Variants in GIMAP8 observed in about 807,000 individuals in gnomAD.
GIMAP8 encodes the protein GTPase IMAP family member 8.
Under a neutral mutation model 35.6 loss-of-function variants are expected in GIMAP8, and 29 were observed. The observed-to-expected ratio is 0.81, with a 90% CI of 0.61 to 1.11. The LOEUF (loss-of-function observed/expected upper bound fraction) is 1.11. GIMAP8 is among the 50% of genes most tolerant of loss of function. The pLI is 0.00. For missense variants in GIMAP8, 811 were observed against 805.0 expected (o/e 1.01, Z -0.09); for synonymous variants, 335 against 308.7 (o/e 1.09, Z -0.89).
intron 3 of GIMAP8, 106 bp downstream of exon 3, chr7:150,470,980 C>A: frequency 1.3e-6 from 1 of 780,758 alleles, no homozygotes; most frequent in African/African-American, 1.7e-5. Flanking sequence ...AGAAAATTCA[C>A]CCTGGGGACC....
At position 150,474,078 on chromosome 7, in the gene GIMAP8, T is replaced by C. The variant is rs1802164814; in HGVS notation, c.749T>C (p.Val250Ala). Residue 250 changes from valine (V) to alanine (A), a missense_variant, in exon 4 of 5, where the codon GTC becomes GCC. Physicochemically the swap from Val to Ala is moderately conservative, Grantham distance 64. Transcript: ENST00000307271. ...EQNPGTSELT[V>A]LLVGKRGAGK... ...AATCCGGGGACATCAGAACTGACAGTCCTCCTTGTGGGGAAACGCGGTGCT... is the reference window on the plus strand; with the variant it reads ...AATCCGGGGACATCAGAACTGACAGCCCTCCTTGTGGGGAAACGCGGTGCT... 1 of 1,614,106 alleles carries C rather than the reference T, an allele frequency of 6.2e-7. No homozygotes were observed. The highest frequency in any genetic ancestry group is 8.5e-7 in the Non-Finnish European group (1 of 1,180,012).
In GIMAP8 at chr7:150,478,272, C is replaced by T. The variant is rs1355510319; in HGVS notation, c.*492C>T. On this transcript the variant is annotated 3_prime_UTR_variant, in exon 5 of 5. Coordinates refer to ENST00000307271, the MANE Select transcript of GIMAP8 (RefSeq NM_175571.4). ...TCCCTGTTGTCCAGGGCCGTTGGCT[C>T]CCTGAGCTCTCCTGTCTCCTTTGGG... 6.2e-6 allele frequency: 1 copy of T among 160,678 alleles called. No individual in the cohort carries two copies. The highest frequency in any genetic ancestry group is 1.4e-5 in the Non-Finnish European group (1 of 72,636). 10.0% of individuals were successfully genotyped at this position (160,678 alleles called of 1,614,324 possible).
At chr7:150,473,040 G>GT (rs1394867574) in intron 3 of GIMAP8, among the ~76,000 whole-genome samples, 3 of 152,192 alleles carry the variant, frequency 2.0e-5, no homozygotes, top group African/African-American at 7.2e-5. Flanking sequence ...TCGCAAAGCG[G>GT]TAAGTTTTCC....
At chr7:150,453,342 G>A (rs6961845) in intron 1 of GIMAP8, among the ~76,000 whole-genome samples, 7,242 of 152,250 alleles carry the variant, frequency 0.048, 575 homozygotes, top group African/African-American at 0.16. Flanking sequence ...CTGAAGCTGC[G>A]GTGGGCTCTG....
Position 150,477,727 on chromosome 7 carries a change from G to A in GIMAP8, c.1945G>A (p.Glu649Lys). The A allele has an allele frequency of 6.2e-7, 1 of 1,613,892 alleles. No individual in the cohort carries two copies. Among genetic ancestry groups the A allele is most frequent in the Non-Finnish European group, 8.5e-7 (1 of 1,179,964 alleles). Reference sequence around the variant, plus strand: ...CAGCAAACTAATTAAAAATGTCCAGGAAATGTCCCAAGCCGAAAAACTCCT... The same window carrying A: ...CAGCAAACTAATTAAAAATGTCCAGAAAATGTCCCAAGCCGAAAAACTCCT... Reference protein sequence around the residue: ...NVSKLIKNVQEMSQAEKLLKN... With the variant: ...NVSKLIKNVQKMSQAEKLLKN... The change falls in exon 5 of 5, where the codon GAA becomes AAA. Residue 649 changes from glutamate (E) to lysine (K), a missense_variant. Glu to Lys is a moderately conservative substitution (Grantham distance 56). Transcript: ENST00000307271.
At chr7:150,462,469 A>G (rs58217729) in intron 1 of GIMAP8, among the ~76,000 whole-genome samples, 3,173 of 152,328 alleles carry the variant, frequency 0.021, 126 homozygotes, top group African/African-American at 0.073. Flanking sequence ...GGTGGTAGAT[A>G]CTGTCCTTTC....
In GIMAP8 at chr7:150,477,225, G is replaced by C. The variant is rs1482571379; in HGVS notation, c.1443G>C (p.Arg481Ser). The stretch of plus-strand genomic sequence containing the variant: ...TCACCAAGACCAGCCAGAGTGGCAG[G>C]AGGACATGGGACGGACAGGAGGTGG... ...QPVTKTSQSGRRTWDGQEVVV... is the reference protein window; with the variant it reads ...QPVTKTSQSGSRTWDGQEVVV... The change falls in exon 5 of 5, where the codon AGG becomes AGC. Residue 481 changes from arginine (R) to serine (S), a missense_variant. By Grantham distance (110) the Arg-to-Ser change is moderately radical. Transcript: ENST00000307271. 1 of 1,614,142 alleles carries C rather than the reference G, an allele frequency of 6.2e-7. No individual in the cohort carries two copies. The highest frequency in any genetic ancestry group is 1.3e-5 in the African/African-American group (1 of 75,022).
Position 150,474,200 on chromosome 7 carries a change from A to C in GIMAP8, c.871A>C (p.Arg291=). 6.2e-7 allele frequency: 1 copy of C among 1,614,212 alleles called. No individual in the cohort carries two copies. Among genetic ancestry groups the C allele is most frequent in the Non-Finnish European group, 8.5e-7 (1 of 1,180,028 alleles). The part of the protein sequence containing the change: ...SVTQSFLSES[R]SWRKKKVSII... Reference sequence around the variant, plus strand: ...AACCCAGAGCTTCTTGTCTGAGAGCAGAAGCTGGAGAAAAAAGAAAGTTTC... The same window carrying C: ...AACCCAGAGCTTCTTGTCTGAGAGCCGAAGCTGGAGAAAAAAGAAAGTTTC... Residue 291 remains arginine (R), a synonymous_variant, in exon 4 of 5, where the codon AGA becomes CGA. Transcript: ENST00000307271.
Position 150,467,149 on chromosome 7 carries a change from A to C in GIMAP8, c.451A>C (p.Asn151His), listed in dbSNP as rs1488579295. The C allele has an allele frequency of 5.6e-6, 9 of 1,614,112 alleles. No homozygotes were observed. Among genetic ancestry groups the C allele is most frequent in the Non-Finnish European group, 7.6e-6 (9 of 1,180,056 alleles). ...DDLLQDFIEK[N>H]KPLKQLVQDY... is the part of the protein sequence containing the mutation. ...CTTGCTGCAAGATTTCATTGAAAAA[A>C]ACAAACCTCTCAAGCAGTTGGTTCA... The change falls in exon 2 of 5, where the codon AAC becomes CAC. Residue 151 changes from asparagine to histidine, a missense_variant. Transcript: ENST00000307271.
At chr7:150,452,675 G>GAGATATATATATATATAT (rs1554492376) in intron 1 of GIMAP8, among the ~76,000 whole-genome samples, 1 of 79,672 alleles carries the variant, frequency 1.3e-5, no homozygotes, top group Non-Finnish European at 2.3e-5. Flanking sequence ...GTGTGTGTGA[G>GAGATATATATATATATAT]ATATATATAT....
rs1265743201 is a variant in GIMAP8 at position 150,470,936 on chromosome 7, C to T, written c.682+62C>T. 9 of 1,210,020 alleles carry T rather than the reference C, an allele frequency of 7.4e-6. No homozygotes were observed. The African/African-American group carries it at 1.4e-4, about 18-fold the overall frequency. The allele number at this position is 1,210,020 out of a possible 1,614,324, so 75.0% of individuals were successfully genotyped here. A position where few individuals can be genotyped will look rare whatever the true frequency, so the allele number is the denominator to read the frequency against. Reference sequence around the variant, plus strand: ...GTATTCTTTTGAATGCATTCTGCAGCCAAAGTGAAGCGGAAACATTATCCA... The same window carrying T: ...GTATTCTTTTGAATGCATTCTGCAGTCAAAGTGAAGCGGAAACATTATCCA... On this transcript the variant is annotated intron_variant, in intron 3 of 4. Coordinates refer to ENST00000307271, the MANE Select transcript of GIMAP8 (RefSeq NM_175571.4).
intron 1 of GIMAP8, among the ~76,000 whole-genome samples, chr7:150,454,805 G>T (rs79268055): frequency 0.024 from 3,609 of 152,166 alleles, 151 homozygotes; most frequent in African/African-American, 0.083. Flanking sequence ...ACTTACTTTT[G>T]GGTCAAAAAG....
Position 150,477,719 on chromosome 7 carries a change from A to G in GIMAP8, c.1937A>G (p.Asn646Ser). The change falls in exon 5 of 5, where the codon AAT becomes AGT. Residue 646 changes from asparagine to serine, a missense_variant. Asn to Ser is a conservative substitution (Grantham distance 46). Coordinates refer to ENST00000307271, the MANE Select transcript of GIMAP8 (RefSeq NM_175571.4). Reference sequence around the variant, plus strand: ...GAGAACGTCAGCAAACTAATTAAAAATGTCCAGGAAATGTCCCAAGCCGAA... The same window carrying G: ...GAGAACGTCAGCAAACTAATTAAAAGTGTCCAGGAAATGTCCCAAGCCGAA... Reference protein sequence around the residue: ...TQENVSKLIKNVQEMSQAEKL... With the variant: ...TQENVSKLIKSVQEMSQAEKL... 6.2e-7 allele frequency: 1 copy of G among 1,614,174 alleles called. No homozygotes were observed. The highest frequency in any genetic ancestry group is 8.5e-7 in the Non-Finnish European group (1 of 1,180,024).
chr7:150,467,258 G>T lies in GIMAP8; in HGVS notation c.560G>T (p.Arg187Leu), dbSNP rs200592029. The T allele has an allele frequency of 1.5e-4, 244 of 1,614,040 alleles. No individual in the cohort carries two copies. Among genetic ancestry groups the T allele is most frequent in the Admixed American group, 5.8e-4 (35 of 60,008 alleles). Residue 187 changes from arginine (R) to leucine (L), a missense_variant, in exon 2 of 5, where the codon CGC becomes CTC. Transcript: ENST00000307271. ...ATCACCCAGGTGTTGGAGCTCCTTC[G>T]CAAGGTTGAGTCTTTGGTGAATACG... Reference protein sequence around the residue: ...EQITQVLELLRKVESLVNTNG... With the variant: ...EQITQVLELLLKVESLVNTNG...
intron 4 of GIMAP8, 94 bp from the exon 5 acceptor site, chr7:150,476,998 A>G: frequency 1.1e-6 from 1 of 935,304 alleles, no homozygotes; most frequent in Non-Finnish European, 1.7e-6. Flanking sequence ...CATGCTGTTT[A>G]CTTTAGTGAT....
intron 2 of GIMAP8, among the ~76,000 whole-genome samples, chr7:150,468,417 T>A (rs1802020014): frequency 1.3e-5 from 2 of 152,056 alleles, no homozygotes; most frequent in African/African-American, 2.4e-5. Flanking sequence ...TGGCTGAGTG[T>A]GAGGGGGATG....
intron 1 of GIMAP8, among the ~76,000 whole-genome samples, chr7:150,456,474 GTCC>G (rs1801732269): frequency 6.6e-6 from 1 of 152,108 alleles, no homozygotes; most frequent in Non-Finnish European, 1.5e-5. Context: ...CTCTGCCTCT[GTCC>G]TCCTGTCTCC....
chr7:150,455,331 G>A (rs1801707896), intron 1 of GIMAP8, among the ~76,000 whole-genome samples: 1 of 152,208 alleles, frequency 6.6e-6, no homozygotes, highest in South Asian at 2.1e-4. Context: ...GAGCTGAGAG[G>A]AGCCAAGACA....
chr7:150,477,459 C>T lies in GIMAP8; in HGVS notation c.1677C>T (p.Tyr559=), dbSNP rs781608734. ...TCTTTGGAGCAGACTTTACGAAATACGCGATTATGCTGTTCACCCGGAAGG... is the reference window on the plus strand; with the variant it reads ...TCTTTGGAGCAGACTTTACGAAATATGCGATTATGCTGTTCACCCGGAAGG... The part of the protein sequence containing the change: ...EAIFGADFTK[Y]AIMLFTRKED... The change falls in exon 5 of 5, where the codon TAC becomes TAT. Residue 559 remains tyrosine, a synonymous_variant. Transcript: ENST00000307271. 3 of 1,613,608 alleles carry T rather than the reference C, an allele frequency of 1.9e-6. No individual in the cohort carries two copies. Among genetic ancestry groups the T allele is most frequent in the African/African-American group, 2.7e-5 (2 of 75,022 alleles).
Sources: allele counts gnomAD v4.1 joint callset (sites outside exome capture counted in the v4.1 genomes callset), GRCh38; gene constraint gnomAD v4.1.1; transcripts MANE v1.5; gene names NCBI Gene and HGNC (gene_info 2026-07-23, HGNC 2026-07-21).